Variants in RABEPK observed in about 807,000 individuals in gnomAD.
The protein encoded by RABEPK is Rab9 effector protein with kelch motifs, also known as 40 kDa Rab9 effector protein.
RABEPK carries 27 observed loss-of-function variants against 34.1 expected under a neutral mutation model. The observed-to-expected ratio is 0.79, with a 90% CI of 0.58 to 1.09. The LOEUF (loss-of-function observed/expected upper bound fraction) is 1.09, where lower values mean the gene tolerates loss of function less well. RABEPK is among the 50% of genes least tolerant of loss of function. The pLI is 0.00. For synonymous variants in RABEPK, 172 were observed against 169.2 expected (o/e 1.02, Z -0.13); for missense variants, 449 against 462.6 (o/e 0.97, Z 0.27).
At chr9:125,232,783 A>G in intron 7 of RABEPK, 38 bp downstream of exon 7, 1 of 1,586,252 alleles carries the variant, frequency 6.3e-7, no homozygotes, top group Non-Finnish European at 8.6e-7. Flanking sequence ...AAACAAATCT[A>G]AACATTCTTT....
Position 125,203,782 on chromosome 9 carries a change from C to CA in RABEPK, c.53+717dup, listed in dbSNP as rs529154868. Reference sequence around the variant, plus strand: ...GCACGGTGGCTCATGCCTGTAATCCCAGCACTTTGGGAGGCCAAGGCGGGT... The same window carrying CA: ...GCACGGTGGCTCATGCCTGTAATCCCAAGCACTTTGGGAGGCCAAGGCGGGT... On this transcript the variant is annotated intron_variant, in intron 2 of 7. Coordinates refer to ENST00000373538, the MANE Select transcript of RABEPK (RefSeq NM_005833.4). Among the ~76,000 whole-genome samples the CA allele has an allele frequency of 7.0e-4, 107 of 152,160 alleles. 1 individual carries two copies. The East Asian group carries it at 0.015, about 22-fold the overall frequency.
chr9:125,230,168 T>TG (rs1442889863), intron 6 of RABEPK, among the ~76,000 whole-genome samples: 1 of 152,156 alleles, frequency 6.6e-6, no homozygotes, highest in African/African-American at 2.4e-5. Flanking sequence ...TTCACCATGT[T>TG]GCCCAGGCTG....
At chr9:125,231,885 A>C (rs1024536076) in intron 6 of RABEPK, among the ~76,000 whole-genome samples, 83 of 147,664 alleles carry the variant, frequency 5.6e-4, no homozygotes, top group African/African-American at 2.0e-3. Flanking sequence ...AAAATCGCTA[A>C]GGAACTGTAT....
At chr9:125,203,509 G>C (rs1220221578) in intron 2 of RABEPK, among the ~76,000 whole-genome samples, 2 of 152,192 alleles carry the variant, frequency 1.3e-5, no homozygotes, top group East Asian at 3.8e-4. Context: ...AATAGTCTCT[G>C]TGTACTGGGG....
At chr9:125,232,789 T>C in intron 7 of RABEPK, 44 bp downstream of exon 7, 4 of 1,575,910 alleles carry the variant, frequency 2.5e-6, no homozygotes, top group Non-Finnish European at 3.5e-6. Flanking sequence ...ATCTAAACAT[T>C]CTTTGAAACG....
chr9:125,204,755 GCC>G (rs1830110983), intron 2 of RABEPK, among the ~76,000 whole-genome samples: 1 of 151,272 alleles, frequency 6.6e-6, no homozygotes, highest in African/African-American at 2.4e-5. Flanking sequence ...TGGTCTCTTT[GCC>G]TGGACTGCTC....
chr9:125,210,998 G>T (rs1469113752), intron 3 of RABEPK, among the ~76,000 whole-genome samples: 2 of 150,276 alleles, frequency 1.3e-5, no homozygotes, highest in Non-Finnish European at 3.0e-5. Context: ...ACTTTGGGAG[G>T]CCGAGGTGGG....
intron 6 of RABEPK, among the ~76,000 whole-genome samples, chr9:125,230,585 G>C (rs1467908903): frequency 1.3e-5 from 2 of 148,188 alleles, no homozygotes; most frequent in Non-Finnish European, 3.0e-5. Flanking sequence ...GCCCAGGCTG[G>C]AGTGCAGTGG....
chr9:125,228,835 C>T (rs953210993), intron 6 of RABEPK, among the ~76,000 whole-genome samples: 3 of 149,838 alleles, frequency 2.0e-5, no homozygotes, highest in Non-Finnish European at 4.4e-5. Context: ...TGGTGGCACT[C>T]GCCTCTAGTC....
intron 4 of RABEPK, among the ~76,000 whole-genome samples, chr9:125,219,959 A>G (rs1369139353): frequency 6.6e-6 from 1 of 151,960 alleles, no homozygotes; most frequent in African/African-American, 2.4e-5. Flanking sequence ...GAGGGTTCAG[A>G]GAGGATATTT....
At chr9:125,212,653 T>C (rs1213596001) in intron 3 of RABEPK, among the ~76,000 whole-genome samples, 2 of 151,174 alleles carry the variant, frequency 1.3e-5, no homozygotes, top group African/African-American at 4.9e-5. Context: ...TTTCTTTCTT[T>C]CTTTTTTTTT....
In RABEPK at chr9:125,222,930, T is replaced by C. The variant is rs116808936; in HGVS notation, c.526+2230T>C. 6.7e-3 allele frequency among the ~76,000 whole-genome samples: 1,014 copies of C among 152,072 alleles called. 7 individuals carry two copies. Among genetic ancestry groups the C allele is most frequent in the African/African-American group, 0.023 (956 of 41,514 alleles). On this transcript the variant is annotated intron_variant, in intron 5 of 7. Coordinates refer to ENST00000373538, the MANE Select transcript of RABEPK (RefSeq NM_005833.4). ...CAAGTGATCCTTCAGCTTTGGTCCCTCAAAGTGCTGGGATTACAGGCATTG... is the reference window on the plus strand; with the variant it reads ...CAAGTGATCCTTCAGCTTTGGTCCCCCAAAGTGCTGGGATTACAGGCATTG...
chr9:125,201,461 G>A (rs971206737), intron 1 of RABEPK, among the ~76,000 whole-genome samples: 1 of 152,226 alleles, frequency 6.6e-6, no homozygotes, highest in African/African-American at 2.4e-5. Flanking sequence ...CCAGAGCTCA[G>A]TATTTCTCAG....
intron 4 of RABEPK, chr9:125,220,337 T>A: frequency 6.9e-7 from 1 of 1,445,470 alleles, no homozygotes; most frequent in South Asian, 1.6e-5. Flanking sequence ...CTTTTAAATC[T>A]TGGGGATTTT....
chr9:125,208,259 G>T (rs906612137), intron 3 of RABEPK, among the ~76,000 whole-genome samples: 3 of 152,166 alleles, frequency 2.0e-5, no homozygotes, highest in Non-Finnish European at 2.9e-5. Context: ...AGCCCTGGTT[G>T]TCCAGCCATT....
chr9:125,233,627 C>T, intron 7 of RABEPK, 61 bp from the exon 8 acceptor site: 9 of 1,539,846 alleles, frequency 5.8e-6, no homozygotes, highest in Non-Finnish European at 8.0e-6. Flanking sequence ...CAGGCGTGAG[C>T]CACCGTGCCC....
At chr9:125,204,966 T>G (rs562875322) in intron 2 of RABEPK, among the ~76,000 whole-genome samples, 1 of 152,154 alleles carries the variant, frequency 6.6e-6, no homozygotes, top group South Asian at 2.1e-4. Flanking sequence ...TAACTGGGAC[T>G]GTTGGTGTGT....
At chr9:125,231,960 T>C (rs3119845) in intron 6 of RABEPK, among the ~76,000 whole-genome samples, 15,757 of 141,270 alleles carry the variant, frequency 0.11, 1,050 homozygotes, top group African/African-American at 0.19. Flanking sequence ...AGTGCAATGG[T>C]GTGATCTCAG....
chr9:125,220,711 G>C lies in RABEPK; in HGVS notation c.526+11G>C, dbSNP rs763703258. 2 of 1,612,960 alleles carry C rather than the reference G, an allele frequency of 1.2e-6. No individual in the cohort carries two copies. Among genetic ancestry groups the C allele is most frequent in the Non-Finnish European group, 1.7e-6 (2 of 1,179,440 alleles). On this transcript the variant is annotated intron_variant, in intron 5 of 7. Coordinates refer to ENST00000373538, the MANE Select transcript of RABEPK (RefSeq NM_005833.4). Reference sequence around the variant, plus strand: ...ATGTGTTTGACGCAAGTATGGACTGGTGGGCACCTTGGGGCTGGTCAGGGC... The same window carrying C: ...ATGTGTTTGACGCAAGTATGGACTGCTGGGCACCTTGGGGCTGGTCAGGGC...
Sources: allele counts gnomAD v4.1 joint callset (sites outside exome capture counted in the v4.1 genomes callset), GRCh38; gene constraint gnomAD v4.1.1; transcripts MANE v1.5; gene names NCBI Gene and HGNC (gene_info 2026-07-23, HGNC 2026-07-21).